LRP8: variants seen among roughly 807,000 people sequenced by gnomAD.
LRP8 encodes the protein low-density lipoprotein receptor-related protein 8.
LRP8 carries 46 observed loss-of-function variants against 111.6 expected under a neutral mutation model. The observed-to-expected ratio is 0.41, with a 90% CI of 0.33 to 0.53. LRP8 has a LOEUF of 0.53. LRP8 is among the 20% of genes least tolerant of loss of function. The pLI, the probability that LRP8 is intolerant of heterozygous loss-of-function variation, is 0.20. For missense variants in LRP8, 959 were observed against 1,297.4 expected (o/e 0.74, Z 4.01); for synonymous variants, 464 against 511.2 (o/e 0.91, Z 1.24).
At chr1:53,298,755 C>G (rs1236656354) in intron 2 of LRP8, among the ~76,000 whole-genome samples, 3 of 152,220 alleles carry the variant, frequency 2.0e-5, no homozygotes, top group Non-Finnish European at 4.4e-5. Context: ...GCCAGGCCCC[C>G]TGGGGCTGAT....
chr1:53,289,454 G>A, intron 3 of LRP8, 113 bp downstream of exon 3: 2 of 1,405,826 alleles, frequency 1.4e-6, no homozygotes, highest in East Asian at 2.5e-5. Context: ...CGCCCTGAGT[G>A]CGTGGCACAG....
Position 53,262,720 on chromosome 1 carries a change from T to A in LRP8, c.1656-156A>T, listed in dbSNP as rs56311325. On this transcript the variant is annotated intron_variant, in intron 10 of 18. Transcript: ENST00000306052. This position sits in a 1 kb window ranked among gnomAD's most constrained non-coding sequence, Gnocchi z 4.8. Reference sequence around the variant, plus strand: ...TTCTTTTGAACCATCAAATCTTAGATTTAGCAGGCACTTTAGCCTTCACCT... The same window carrying A: ...TTCTTTTGAACCATCAAATCTTAGAATTAGCAGGCACTTTAGCCTTCACCT... Among the ~76,000 whole-genome samples the A allele has an allele frequency of 7.2e-3, 1,094 of 152,318 alleles. 15 individuals are homozygous for A. Among genetic ancestry groups the A allele is most frequent in the African/African-American group, 0.025 (1,053 of 41,584 alleles).
rs1339111186 is a variant in LRP8 at position 53,271,354 on chromosome 1, G to C, written c.1007-8C>G. 2 of 1,613,980 alleles carry C rather than the reference G, an allele frequency of 1.2e-6. No individual in the cohort carries two copies. Among genetic ancestry groups the C allele is most frequent in the Non-Finnish European group, 1.7e-6 (2 of 1,179,968 alleles). ...GCAGACACTCGTTCAGCCCTGGGGA[G>C]GGACATGGGCTCCTGAAGGTCCAGG... On this transcript the variant is annotated splice_region_variant and splice_polypyrimidine_tract_variant and intron_variant, in intron 6 of 18. Transcript: ENST00000306052.
chr1:53,287,672 A>C (rs1309158267), intron 3 of LRP8, among the ~76,000 whole-genome samples: 6 of 152,192 alleles, frequency 3.9e-5, no homozygotes, highest in African/African-American at 1.4e-4. Context: ...TTTTGAAGGA[A>C]GTCTATCAAC....
At chr1:53,289,455 C>A in intron 3 of LRP8, 112 bp downstream of exon 3, 1 of 1,408,342 alleles carries the variant, frequency 7.1e-7, no homozygotes, top group Non-Finnish European at 9.5e-7. Flanking sequence ...GCCCTGAGTG[C>A]GTGGCACAGA....
At chr1:53,289,407 T>C in intron 3 of LRP8, 160 bp downstream of exon 3, 1 of 1,019,474 alleles carries the variant, frequency 9.8e-7, no homozygotes, top group Non-Finnish European at 1.4e-6. Flanking sequence ...AACAGGTCAG[T>C]AGAAACCAGC....
intron 2 of LRP8, among the ~76,000 whole-genome samples, chr1:53,322,093 C>T (rs1168097833): frequency 6.6e-6 from 1 of 152,016 alleles, no homozygotes; most frequent in Non-Finnish European, 1.5e-5. Context: ...TACCTAGAGA[C>T]CTCAGTGAAA....
intron 2 of LRP8, among the ~76,000 whole-genome samples, chr1:53,308,912 C>T (rs1652490581): frequency 6.6e-6 from 1 of 152,190 alleles, no homozygotes. Flanking sequence ...TGGGTGTTTC[C>T]CCACCTCTCT....
Position 53,270,459 on chromosome 1 carries a change from C to T in LRP8, c.1252+569G>A, listed in dbSNP as rs147570949. On this transcript the variant is annotated intron_variant, in intron 8 of 18. Transcript: ENST00000306052. ...TACAACCTTCCTAGGGTGGTGGTAA[C>T]GAGTGATGGCACCATTAGGTAGTAT... 3.1e-3 allele frequency among the ~76,000 whole-genome samples: 474 copies of T among 152,220 alleles called. 1 individual carries two copies. The highest frequency in any genetic ancestry group is 0.013 in the East Asian group (67 of 5,182).
intron 2 of LRP8, among the ~76,000 whole-genome samples, chr1:53,311,534 C>T (rs759917976): frequency 3.0e-4 from 46 of 152,194 alleles, no homozygotes; most frequent in South Asian, 1.9e-3. Context: ...TGTCAGGAAT[C>T]GGTGCAGACA....
At position 53,312,959 on chromosome 1, in the gene LRP8, C is replaced by A. The variant is rs150152243; in HGVS notation, c.244+13914G>T. Among the ~76,000 whole-genome samples, 299 of 152,346 alleles carry A rather than the reference C, an allele frequency of 2.0e-3. 1 individual carries two copies. Among genetic ancestry groups the A allele is most frequent in the African/African-American group, 6.9e-3 (285 of 41,576 alleles). On this transcript the variant is annotated intron_variant, in intron 2 of 18. Transcript: ENST00000306052. ...GTTTTCGCTGAAAAGAGAGCAAAAC[C>A]TCTGCTCACCCCTTGCTCCTGTGAA...
intron 6 of LRP8, among the ~76,000 whole-genome samples, chr1:53,273,964 T>TAAAAACAAAAAACA (rs111727732): frequency 6.7e-6 from 1 of 149,858 alleles, no homozygotes; most frequent in Non-Finnish European, 1.5e-5. Flanking sequence ...CTGGGAACAG[T>TAAAAACAAAAAACA]AAAAACAAAA....
chr1:53,274,427 C>T (rs950015132), intron 6 of LRP8, among the ~76,000 whole-genome samples: 5 of 152,136 alleles, frequency 3.3e-5, no homozygotes, highest in African/African-American at 9.7e-5. Flanking sequence ...GAGGTCTGAA[C>T]GGGGAAGGAA....
At chr1:53,313,392 A>G (rs893681367) in intron 2 of LRP8, among the ~76,000 whole-genome samples, 51 of 123,870 alleles carry the variant, frequency 4.1e-4, no homozygotes, top group African/African-American at 1.5e-3. Context: ...TCAGGGGCAC[A>G]GTGCACACTC....
chr1:53,284,473 A>G (rs1480828505), intron 3 of LRP8, among the ~76,000 whole-genome samples: 2 of 152,144 alleles, frequency 1.3e-5, no homozygotes, highest in Admixed American at 6.5e-5. Context: ...TTGCCCTTCC[A>G]TCAAATCCTG....
At chr1:53,278,451 G>GA (rs1197032881) in intron 4 of LRP8, among the ~76,000 whole-genome samples, 3 of 152,214 alleles carry the variant, frequency 2.0e-5, no homozygotes, top group African/African-American at 7.2e-5. Flanking sequence ...CTTTCTGATG[G>GA]AAAAATGTGA....
chr1:53,252,996 T>C (rs977758938), intron 16 of LRP8, among the ~76,000 whole-genome samples: 2 of 152,184 alleles, frequency 1.3e-5, no homozygotes, highest in Admixed American at 1.3e-4. Flanking sequence ...ATAATAAAGA[T>C]GACGTGCAAG....
rs377071236 is a variant in LRP8 at position 53,311,880 on chromosome 1, T to A, written c.244+14993A>T. On this transcript the variant is annotated intron_variant, in intron 2 of 18. Transcript: ENST00000306052. Reference sequence around the variant, plus strand: ...GTCCCCATCTGTACAATGGGTGGAGTCATTCCTGCTGGCCCACCTCCCAAG... The same window carrying A: ...GTCCCCATCTGTACAATGGGTGGAGACATTCCTGCTGGCCCACCTCCCAAG... 3.9e-5 allele frequency among the ~76,000 whole-genome samples: 6 copies of A among 152,012 alleles called. No homozygotes were observed. In the East Asian group the frequency reaches 1.2e-3, roughly 30 times the overall value.
intron 2 of LRP8, among the ~76,000 whole-genome samples, chr1:53,322,027 G>C (rs1654584544): frequency 6.6e-6 from 1 of 152,144 alleles, no homozygotes; most frequent in African/African-American, 2.4e-5. Flanking sequence ...TGGCTAAGCA[G>C]ACAGGAGCAG....
Sources: gnomAD v4.1 joint callset for allele counts (sites outside exome capture counted in the v4.1 genomes callset) on GRCh38, gnomAD v4.1.1 for gene constraint, Gnocchi (gnomAD v3.1) non-coding constraint, MANE v1.5 for transcripts, NCBI Gene and HGNC (gene_info 2026-07-23, HGNC 2026-07-21) for gene names.